The following MSH3 variants were observed in gnomAD, a reference collection of about 807,000 sequenced individuals.
The protein encoded by MSH3 is DNA mismatch repair protein Msh3.
Under a neutral mutation model 123.3 loss-of-function variants are expected in MSH3, and 106 were observed. The ratio of observed to expected loss-of-function variants is 0.86; its 90% CI spans 0.73 to 1.01. The LOEUF (loss-of-function observed/expected upper bound fraction) is 1.01, where lower values mean the gene tolerates loss of function less well. Among genes scored for constraint, MSH3 ranks in the 50% least tolerant of loss-of-function variants. The pLI is 0.00. For synonymous variants in MSH3, 515 were observed against 481.4 expected, an observed-to-expected ratio of 1.07 and a Z score of -0.91; for missense variants, 1,459 against 1,347.6, an observed-to-expected ratio of 1.08 and a Z score of -1.29.
intron 2 of MSH3, among the ~76,000 whole-genome samples, chr5:80,661,432 T>A (rs1411958163): frequency 6.6e-6 from 1 of 152,238 alleles, no homozygotes; most frequent in Non-Finnish European, 1.5e-5. Flanking sequence ...TCTAATCTGC[T>A]GTAAATCTCG....
chr5:80,867,628 G>T (rs1746128774), intron 22 of MSH3, among the ~76,000 whole-genome samples: 1 of 152,140 alleles, frequency 6.6e-6, no homozygotes, highest in South Asian at 2.1e-4. Flanking sequence ...AATAAATGTT[G>T]AATTAGGCTA....
At chr5:80,850,670 A>G (rs1177526339) in intron 20 of MSH3, among the ~76,000 whole-genome samples, 1 of 152,186 alleles carries the variant, frequency 6.6e-6, no homozygotes, top group African/African-American at 2.4e-5. Context: ...GTCATCTCTC[A>G]CCAGGTCCCT....
In MSH3 at chr5:80,672,335, G is replaced by A. The variant is rs771713082; in HGVS notation, c.884G>A (p.Arg295His). ...IPTHRLFVHVRRLVAKGYKVG... is the reference protein window; with the variant it reads ...IPTHRLFVHVHRLVAKGYKVG... ...ACTCACAGACTGTTTGTTCATGTACGCCGCCTGGTGGCAAAAGGATATAAG... is the reference window on the plus strand; with the variant it reads ...ACTCACAGACTGTTTGTTCATGTACACCGCCTGGTGGCAAAAGGATATAAG... The change falls in exon 5 of 24, where the codon CGC (arginine) becomes CAC (histidine). Residue 295 changes from arginine (R) to histidine (H), a missense_variant. Coordinates refer to ENST00000265081, the MANE Select transcript of MSH3 (RefSeq NM_002439.5). 4.3e-6 allele frequency: 7 copies of A among 1,613,552 alleles called. No individual in the cohort carries two copies. The highest frequency in any genetic ancestry group is 1.7e-5 in the Admixed American group (1 of 60,018).
intron 8 of MSH3, among the ~76,000 whole-genome samples, chr5:80,713,358 C>T (rs1374859014): frequency 6.6e-6 from 1 of 152,188 alleles, no homozygotes; most frequent in Non-Finnish European, 1.5e-5. Context: ...AGGCATGTTA[C>T]ATGTGAAAAG....
chr5:80,690,131 C>T (rs1253347944), intron 8 of MSH3, among the ~76,000 whole-genome samples: 1 of 152,050 alleles, frequency 6.6e-6, no homozygotes, highest in Non-Finnish European at 1.5e-5. Flanking sequence ...TTTGCCCAGG[C>T]TGGTCTCGAA....
At chr5:80,661,248 G>C (rs1749427624) in intron 2 of MSH3, among the ~76,000 whole-genome samples, 1 of 152,112 alleles carries the variant, frequency 6.6e-6, no homozygotes, top group South Asian at 2.1e-4. Context: ...CTGTCTTCCT[G>C]TCTCTTGTGT....
intron 3 of MSH3, among the ~76,000 whole-genome samples, chr5:80,667,697 C>T (rs546477354): frequency 2.1e-4 from 32 of 152,284 alleles, no homozygotes; most frequent in African/African-American, 6.5e-4. Context: ...CTGGACCAGG[C>T]GTACCACAAA....
chr5:80,702,762 A>G (rs1212030083), intron 8 of MSH3, among the ~76,000 whole-genome samples: 1 of 152,024 alleles, frequency 6.6e-6, no homozygotes, highest in South Asian at 2.1e-4. Flanking sequence ...CTGTAATCCC[A>G]GTACTTTGGG....
At chr5:80,691,446 A>C (rs903085234) in intron 8 of MSH3, among the ~76,000 whole-genome samples, 10 of 151,918 alleles carry the variant, frequency 6.6e-5, no homozygotes, top group Non-Finnish European at 5.9e-5. Flanking sequence ...GAACTAAATA[A>C]ATACTGGAAA....
At chr5:80,702,429 C>T (rs1362247324) in intron 8 of MSH3, among the ~76,000 whole-genome samples, 1 of 152,132 alleles carries the variant, frequency 6.6e-6, no homozygotes, top group African/African-American at 2.4e-5. Context: ...CATGACCACA[C>T]CACAGGGTTA....
chr5:80,777,882 C>T (rs533393161), intron 16 of MSH3, among the ~76,000 whole-genome samples: 285 of 152,302 alleles, frequency 1.9e-3, no homozygotes, highest in African/African-American at 6.5e-3. Context: ...CCACCACCAC[C>T]ACCACCACAA....
chr5:80,701,019 C>T (rs575885861), intron 8 of MSH3, among the ~76,000 whole-genome samples: 1 of 152,290 alleles, frequency 6.6e-6, no homozygotes, highest in East Asian at 1.9e-4. Flanking sequence ...TGCATAAAGA[C>T]TCTTTATTTA....
At chr5:80,748,174 A>G (rs1247843129) in intron 12 of MSH3, among the ~76,000 whole-genome samples, 1 of 152,202 alleles carries the variant, frequency 6.6e-6, no homozygotes, top group Non-Finnish European at 1.5e-5. Context: ...ATTGTTTGTC[A>G]GTCATCCATG....
chr5:80,717,713 TA>T (rs1750992823), intron 8 of MSH3, among the ~76,000 whole-genome samples: 1 of 152,228 alleles, frequency 6.6e-6, no homozygotes, highest in African/African-American at 2.4e-5. Flanking sequence ...AGGAATGAGG[TA>T]AATATGTCAT....
rs1377712050 is a variant in MSH3, at chr5:80,768,146, C to A, written c.2084+26C>A. On this transcript the variant is annotated intron_variant, in intron 14 of 23. Transcript: ENST00000265081. ...GTAAGTACCAGACCCTGAATTCTTC[C>A]TTTTCACCAGTCAGTATAATTCAGT... The A allele has an allele frequency of 3.1e-6, 5 of 1,591,850 alleles. No homozygotes were observed. The African/African-American group carries it at 4.0e-5, about 13-fold the overall frequency.
At chr5:80,659,031 C>T (rs1276073300) in intron 2 of MSH3, among the ~76,000 whole-genome samples, 3 of 152,074 alleles carry the variant, frequency 2.0e-5, no homozygotes, top group Non-Finnish European at 2.9e-5. Flanking sequence ...GTCAGGAGTT[C>T]GAGACCAGCC....
At chr5:80,762,778 T>TTTTTATTTTA (rs573087291) in intron 13 of MSH3, among the ~76,000 whole-genome samples, 105 of 128,028 alleles carry the variant, frequency 8.2e-4, no homozygotes, top group African/African-American at 1.4e-3. Flanking sequence ...TTATTTTAAT[T>TTTTTATTTTA]TTTTATTTTA....
intron 17 of MSH3, among the ~76,000 whole-genome samples, chr5:80,785,307 G>C (rs1329736845): frequency 6.6e-6 from 1 of 152,252 alleles, no homozygotes; most frequent in East Asian, 1.9e-4. Flanking sequence ...GGCACCTTCT[G>C]ATCCGTGGTC....
intron 20 of MSH3, among the ~76,000 whole-genome samples, chr5:80,841,313 A>G (rs534369674): frequency 1.3e-5 from 2 of 152,338 alleles, no homozygotes; most frequent in African/African-American, 4.8e-5. Flanking sequence ...ATTGATGGAC[A>G]TTTGGGTTGG....
Sources: allele counts gnomAD v4.1 joint callset (sites outside exome capture counted in the v4.1 genomes callset), GRCh38; gene constraint gnomAD v4.1.1; transcripts MANE v1.5; gene names NCBI Gene and HGNC (gene_info 2026-07-23, HGNC 2026-07-21).